The following MAGI2 variants were observed in gnomAD, a reference collection of about 807,000 sequenced individuals.
MAGI2 encodes the protein membrane associated guanylate kinase, WW and PDZ domain containing 2.
Under a neutral mutation model 133.3 loss-of-function variants are expected in MAGI2, and 35 were observed. That is an observed-to-expected ratio of 0.26 (90% CI 0.20 to 0.35). The LOEUF is 0.35. Ranked by LOEUF, MAGI2 falls within the 10% of genes least tolerant of loss-of-function variation. The pLI is 1.00. For missense variants in MAGI2, 1,636 were observed against 1,863.4 expected, an observed-to-expected ratio of 0.88 and a Z score of 2.25; for synonymous variants, 729 against 710.6, an observed-to-expected ratio of 1.03 and a Z score of -0.41.
intron 2 of MAGI2, among the ~76,000 whole-genome samples, chr7:78,775,079 C>T (rs1211415): frequency 0.86 from 129,866 of 151,444 alleles, 55,962 homozygotes; most frequent in East Asian, 1. Context: ...TTTGGGAGGC[C>T]GAGGTGGGCG....
intron 1 of MAGI2, among the ~76,000 whole-genome samples, chr7:79,304,330 C>G (rs1837622330): frequency 6.6e-6 from 1 of 151,444 alleles, no homozygotes; most frequent in Non-Finnish European, 1.5e-5. Context: ...AAAGTGGAAG[C>G]TGGGAGAGGC....
chr7:79,421,210 ACTAT>A (rs1156577848), intron 1 of MAGI2, among the ~76,000 whole-genome samples: 7 of 152,108 alleles, frequency 4.6e-5, no homozygotes, highest in African/African-American at 1.7e-4. Flanking sequence ...CAGGCAAATG[ACTAT>A]CTGTTTTGTT....
At chr7:78,991,954 A>G (rs1054267976) in intron 2 of MAGI2, among the ~76,000 whole-genome samples, 2 of 152,064 alleles carry the variant, frequency 1.3e-5, no homozygotes, top group Admixed American at 1.3e-4. Flanking sequence ...TCTCTTAATC[A>G]TAAGAAATCT....
At chr7:78,208,692 ATTT>A (rs34097630) in intron 10 of MAGI2, among the ~76,000 whole-genome samples, 26,686 of 147,784 alleles carry the variant, frequency 0.18, 2,944 homozygotes, top group African/African-American at 0.31. Flanking sequence ...AATGTATAGC[ATTT>A]TTTTTTTTTT....
chr7:78,549,834 T>C (rs1481815142), intron 3 of MAGI2, among the ~76,000 whole-genome samples: 1 of 152,214 alleles, frequency 6.6e-6, no homozygotes, highest in Non-Finnish European at 1.5e-5. Flanking sequence ...TGTGTGTTTG[T>C]TACCATGAAC....
rs1191398060 is a variant in MAGI2 at position 78,125,706 on chromosome 7, A to C, written c.3555T>G (p.Asn1185Lys). The part of the protein sequence containing the change: ...RLAEDGPAIR[N>K]GRMRVGDQII... ...AGACTGTTCTTACCCTCATCCTCCC[A>C]TTCCTTATTGCTGGTCCATCTTCTG... The change falls in exon 20 of 22, where the codon AAT (asparagine) becomes AAG (lysine). Residue 1185 changes from asparagine to lysine, a missense_variant. Asn to Lys is a moderately conservative substitution (Grantham distance 94). Transcript: ENST00000354212. 1 of 1,612,914 alleles carries C rather than the reference A, an allele frequency of 6.2e-7. No homozygotes were observed. Among genetic ancestry groups the C allele is most frequent in the Non-Finnish European group, 8.5e-7 (1 of 1,179,428 alleles).
At chr7:78,242,294 G>A (rs1016747568) in intron 10 of MAGI2, among the ~76,000 whole-genome samples, 1 of 152,188 alleles carries the variant, frequency 6.6e-6, no homozygotes, top group Non-Finnish European at 1.5e-5. Context: ...GGATGCGAAG[G>A]TCCTAGGGCA....
At chr7:79,198,313 T>G (rs1035798776) in intron 1 of MAGI2, among the ~76,000 whole-genome samples, 2 of 151,690 alleles carry the variant, frequency 1.3e-5, no homozygotes, top group Admixed American at 6.6e-5. Flanking sequence ...GAAAAGCACA[T>G]TAGTACAGTG....
chr7:78,665,260 T>A (rs1282266344), intron 2 of MAGI2, among the ~76,000 whole-genome samples: 1 of 152,024 alleles, frequency 6.6e-6, no homozygotes, highest in Admixed American at 6.6e-5. Context: ...AAAGCTTGGA[T>A]AAAAAAACAA....
chr7:79,390,310 G>C (rs1445582290), intron 1 of MAGI2, among the ~76,000 whole-genome samples: 1 of 152,162 alleles, frequency 6.6e-6, no homozygotes, highest in Admixed American at 6.6e-5. Context: ...TTTTCTTGAA[G>C]ACAAGACAAC....
intron 21 of MAGI2, among the ~76,000 whole-genome samples, chr7:78,075,560 T>C (rs569954738): frequency 7.0e-4 from 106 of 152,106 alleles, no homozygotes; most frequent in African/African-American, 2.4e-3. Context: ...GTATTTTTAG[T>C]AGAGACGGGG....
At chr7:78,555,200 G>GGATGGATGGATA (rs1319456396) in intron 3 of MAGI2, among the ~76,000 whole-genome samples, 2 of 92,634 alleles carry the variant, frequency 2.2e-5, no homozygotes, top group Admixed American at 1.1e-4. Flanking sequence ...TTGGATGGAT[G>GGATGGATGGATA]GATAGATAGA....
At chr7:78,565,357 T>A (rs1281426663) in intron 3 of MAGI2, among the ~76,000 whole-genome samples, 1 of 151,816 alleles carries the variant, frequency 6.6e-6, no homozygotes, top group African/African-American at 2.4e-5. Context: ...CCTAGCTACT[T>A]GGGAGGCTGA....
At chr7:78,244,555 GTA>G (rs1296749837) in intron 10 of MAGI2, among the ~76,000 whole-genome samples, 6 of 152,114 alleles carry the variant, frequency 3.9e-5, no homozygotes. Flanking sequence ...AGCAGAGAAA[GTA>G]TATTGATTGC....
At chr7:79,393,514 TA>T (rs1307676778) in intron 1 of MAGI2, among the ~76,000 whole-genome samples, 1 of 152,120 alleles carries the variant, frequency 6.6e-6, no homozygotes, top group Non-Finnish European at 1.5e-5. Context: ...TTAAGTTTTA[TA>T]AAAAAATTAA....
intron 1 of MAGI2, among the ~76,000 whole-genome samples, chr7:79,277,947 C>G (rs1328295971): frequency 6.6e-6 from 1 of 152,108 alleles, no homozygotes; most frequent in Non-Finnish European, 1.5e-5. Context: ...CAAAAACAGG[C>G]AGCCCAATCA....
intron 1 of MAGI2, among the ~76,000 whole-genome samples, chr7:79,165,674 C>A (rs1385330490): frequency 1.3e-5 from 2 of 152,010 alleles, no homozygotes; most frequent in African/African-American, 4.8e-5. Context: ...ACACATATTT[C>A]CTGTAGTGTT....
At chr7:78,471,535 A>C (rs1207416468) in intron 6 of MAGI2, among the ~76,000 whole-genome samples, 1 of 152,164 alleles carries the variant, frequency 6.6e-6, no homozygotes, top group Non-Finnish European at 1.5e-5. Flanking sequence ...GATTTTATTT[A>C]TGATTAGACA....
intron 6 of MAGI2, among the ~76,000 whole-genome samples, chr7:78,452,437 T>A (rs372330973): frequency 6.6e-6 from 1 of 152,218 alleles, no homozygotes; most frequent in Non-Finnish European, 1.5e-5. Flanking sequence ...ATTATGCTTA[T>A]GATTATTTTT....
Sources: gnomAD v4.1 joint callset for allele counts (sites outside exome capture counted in the v4.1 genomes callset) on GRCh38, gnomAD v4.1.1 for gene constraint, MANE v1.5 for transcripts, NCBI Gene and HGNC (gene_info 2026-07-23, HGNC 2026-07-21) for gene names.